The following PTPRD variants were observed in gnomAD, a reference collection of about 807,000 sequenced individuals.
PTPRD encodes the protein protein tyrosine phosphatase receptor type D.
In PTPRD, 34 loss-of-function variants were observed where a neutral mutation model predicts 214.5. The ratio of observed to expected loss-of-function variants is 0.16; its 90% confidence interval spans 0.12 to 0.21. The LOEUF (loss-of-function observed/expected upper bound fraction) is 0.21. PTPRD is among the 10% of genes least tolerant of loss of function. PTPRD has a pLI of 1.00. For synonymous variants in PTPRD, 1,128 were observed against 845.7 expected, an observed-to-expected ratio of 1.33 and a Z score of -5.79; for missense variants, 2,545 against 2,398.7, an observed-to-expected ratio of 1.06 and a Z score of -1.27.
At chr9:8,633,908 T>C (rs1016210183) in intron 13 of PTPRD, among the ~76,000 whole-genome samples, 1 of 152,070 alleles carries the variant, frequency 6.6e-6, no homozygotes, top group Non-Finnish European at 1.5e-5. Context: ...TCTGCTAGTT[T>C]AAACTGTCTC....
chr9:10,343,144 C>G (rs2096976482), intron 2 of PTPRD, among the ~76,000 whole-genome samples: 1 of 151,850 alleles, frequency 6.6e-6, no homozygotes. Flanking sequence ...GACCCCCTGA[C>G]AGGCCCTGTT....
At chr9:9,879,371 T>C (rs1484637498) in intron 5 of PTPRD, among the ~76,000 whole-genome samples, 6 of 152,184 alleles carry the variant, frequency 3.9e-5, no homozygotes, top group South Asian at 2.1e-4. Flanking sequence ...AAAATGCCTC[T>C]AGGTAGAATT....
intron 3 of PTPRD, among the ~76,000 whole-genome samples, chr9:10,335,155 G>C (rs927199859): frequency 1.3e-5 from 2 of 151,606 alleles, no homozygotes; most frequent in African/African-American, 2.4e-5. Context: ...GAAGAACAAA[G>C]TCCAGGACTG....
intron 2 of PTPRD, among the ~76,000 whole-genome samples, chr9:10,382,349 C>T (rs2097842108): frequency 6.6e-6 from 1 of 151,816 alleles, no homozygotes; most frequent in East Asian, 1.9e-4. Context: ...TTCTAGTTAT[C>T]TTTATATTGT....
At chr9:10,032,255 A>G (rs1156584958) in intron 4 of PTPRD, among the ~76,000 whole-genome samples, 1 of 152,176 alleles carries the variant, frequency 6.6e-6, no homozygotes, top group African/African-American at 2.4e-5. Context: ...TTTTCTCTTC[A>G]TAGTGTAACA....
intron 2 of PTPRD, among the ~76,000 whole-genome samples, chr9:10,392,932 T>C (rs1334180814): frequency 6.6e-6 from 1 of 151,786 alleles, no homozygotes; most frequent in Non-Finnish European, 1.5e-5. Flanking sequence ...CTGTGATTCA[T>C]CACAGTGGGG....
intron 3 of PTPRD, among the ~76,000 whole-genome samples, chr9:10,259,733 A>C (rs1293098012): frequency 1.3e-5 from 2 of 152,246 alleles, no homozygotes; most frequent in Non-Finnish European, 2.9e-5. Flanking sequence ...ATTATAAAAC[A>C]GTCCAGAAGC....
intron 10 of PTPRD, among the ~76,000 whole-genome samples, chr9:9,180,525 C>T (rs1456015527): frequency 6.6e-6 from 1 of 151,200 alleles, no homozygotes; most frequent in Non-Finnish European, 1.5e-5. Context: ...TGCAGCACAC[C>T]AACATGGCAC....
intron 7 of PTPRD, among the ~76,000 whole-genome samples, chr9:9,584,183 G>GTT: frequency 6.6e-6 from 1 of 151,924 alleles, no homozygotes; most frequent in East Asian, 1.9e-4. Context: ...CTAAGCCACG[G>GTT]TTTGTTTATC....
At chr9:8,903,643 A>G (rs2098687786) in intron 11 of PTPRD, among the ~76,000 whole-genome samples, 1 of 152,212 alleles carries the variant, frequency 6.6e-6, no homozygotes, top group Non-Finnish European at 1.5e-5. Context: ...AAAAACGAAT[A>G]AAAATATTTC....
intron 11 of PTPRD, among the ~76,000 whole-genome samples, chr9:8,902,738 G>T (rs1303043587): frequency 6.6e-6 from 1 of 152,112 alleles, no homozygotes; most frequent in East Asian, 1.9e-4. Flanking sequence ...TAGGAAAAAA[G>T]AAAAATAAGC....
chr9:8,960,482 T>C (rs942823911), intron 11 of PTPRD, among the ~76,000 whole-genome samples: 5 of 152,050 alleles, frequency 3.3e-5, no homozygotes, highest in African/African-American at 1.2e-4. Flanking sequence ...GGCCAAATTC[T>C]GACATGGGTA....
At chr9:10,298,557 C>G (rs1014240607) in intron 3 of PTPRD, among the ~76,000 whole-genome samples, 1 of 152,060 alleles carries the variant, frequency 6.6e-6, no homozygotes. Context: ...CCATCATTCT[C>G]AGACAAAAAT....
At chr9:10,517,590 A>T (rs1032263328) in intron 2 of PTPRD, among the ~76,000 whole-genome samples, 34 of 152,050 alleles carry the variant, frequency 2.2e-4, no homozygotes, top group African/African-American at 8.0e-4. Context: ...TTTCAGAACT[A>T]CATTAATATT....
At chr9:9,917,746 G>C (rs116687930) in intron 5 of PTPRD, among the ~76,000 whole-genome samples, 2,287 of 152,028 alleles carry the variant, frequency 0.015, 64 homozygotes, top group African/African-American at 0.053. Context: ...AACACACCAT[G>C]ATTAAATGGG....
chr9:9,424,600 G>A (rs1200183569), intron 8 of PTPRD, among the ~76,000 whole-genome samples: 3 of 152,146 alleles, frequency 2.0e-5, no homozygotes, highest in African/African-American at 7.2e-5. Context: ...TGCCAATTAT[G>A]CAATGGAGAA....
intron 3 of PTPRD, among the ~76,000 whole-genome samples, chr9:10,274,900 A>T (rs2094595570): frequency 6.6e-6 from 1 of 152,104 alleles, no homozygotes; most frequent in African/African-American, 2.4e-5. Context: ...GGTGGAATAG[A>T]TGGTATGGGT....
chr9:10,260,852 G>A (rs930400152), intron 3 of PTPRD, among the ~76,000 whole-genome samples: 11 of 151,882 alleles, frequency 7.2e-5, no homozygotes, highest in South Asian at 4.1e-4. Context: ...TCCCTTGCCA[G>A]CAGTTTAGAA....
intron 5 of PTPRD, among the ~76,000 whole-genome samples, chr9:9,774,796 G>A (rs559247325): frequency 3.0e-4 from 45 of 152,166 alleles, no homozygotes; most frequent in African/African-American, 1.1e-3. Context: ...TTTTGTCTCC[G>A]TTTTGTTAAC....
Sources: allele counts gnomAD v4.1 joint callset (sites outside exome capture counted in the v4.1 genomes callset), GRCh38; gene constraint gnomAD v4.1.1; transcripts MANE v1.5; gene names NCBI Gene and HGNC (gene_info 2026-07-23, HGNC 2026-07-21).